The following DHX40 variants were observed in gnomAD, a reference collection of about 807,000 sequenced individuals.
DHX40 encodes the protein probable ATP-dependent RNA helicase DHX40.
In DHX40, 28 loss-of-function variants were observed where a neutral mutation model predicts 89.6. The ratio of observed to expected loss-of-function variants is 0.31; its 90% CI spans 0.23 to 0.43. The LOEUF is 0.43. Ranked by LOEUF, DHX40 falls within the 20% of genes least tolerant of loss-of-function variation. The pLI is 1.00. For synonymous variants in DHX40, 226 were observed against 283.6 expected, an observed-to-expected ratio of 0.80 and a Z score of 2.04; for missense variants, 457 against 844.0, an observed-to-expected ratio of 0.54 and a Z score of 5.68.
chr17:59,594,145 C>T (rs2049119181), intron 12 of DHX40, among the ~76,000 whole-genome samples: 2 of 151,926 alleles, frequency 1.3e-5, no homozygotes, highest in South Asian at 4.2e-4. Flanking sequence ...TTCTAGAACA[C>T]CAGGAAGACT....
intron 12 of DHX40, among the ~76,000 whole-genome samples, 166 bp downstream of exon 12, chr17:59,588,219 TAAAA>T (rs1169868073): frequency 4.4e-5 from 3 of 67,806 alleles, no homozygotes; most frequent in East Asian, 5.7e-4. Context: ...CCATCTCTAC[TAAAA>T]AAAAAAAAAA....
intron 17 of DHX40, 65 bp downstream of exon 17, chr17:59,605,739 A>G: frequency 1.4e-6 from 2 of 1,452,220 alleles, no homozygotes; most frequent in Non-Finnish European, 1.9e-6. Context: ...GTACTTCACT[A>G]TTTTTGTTTA....
At chr17:59,593,824 G>A (rs1197130473) in intron 12 of DHX40, among the ~76,000 whole-genome samples, 5 of 151,744 alleles carry the variant, frequency 3.3e-5, no homozygotes, top group South Asian at 2.1e-4. Flanking sequence ...ACTTTAATTC[G>A]TGGATTCTTT....
At chr17:59,570,217 A>G (rs1156452615) in intron 2 of DHX40, among the ~76,000 whole-genome samples, 1 of 124,290 alleles carries the variant, frequency 8.0e-6, no homozygotes, top group African/African-American at 3.4e-5. Context: ...TATATTATAT[A>G]TTAAATATAT....
chr17:59,573,145 A>G lies in DHX40; in HGVS notation c.456A>G (p.Gly152=), dbSNP rs780314978. The G allele has an allele frequency of 1.5e-5, 25 of 1,612,986 alleles. No homozygotes were observed. In the South Asian group the frequency reaches 2.0e-4, roughly 13 times the overall value. ...CAGCAATCAAATATATGACTGATGG[A>G]TGTTTACTGAAACATATTCTGGGAG... is the stretch of plus-strand genomic sequence containing the variant. ...KETAIKYMTD[G]CLLKHILGDP... Residue 152 remains glycine (G), a synonymous_variant, in exon 4 of 18, where the codon GGA becomes GGG. Transcript: ENST00000251241.
intron 12 of DHX40, among the ~76,000 whole-genome samples, chr17:59,588,907 A>G (rs2049039514): frequency 6.6e-6 from 1 of 152,138 alleles, no homozygotes; most frequent in Non-Finnish European, 1.5e-5. Context: ...TTGGACGTAC[A>G]GTTGTTGCGG....
At chr17:59,568,763 A>G (rs1200873011) in intron 2 of DHX40, among the ~76,000 whole-genome samples, 3 of 151,978 alleles carry the variant, frequency 2.0e-5, no homozygotes, top group Admixed American at 2.0e-4. Flanking sequence ...CTGTATTAGT[A>G]AGAATGGAAA....
At position 59,587,998 on chromosome 17, in the gene DHX40, T is replaced by C; in HGVS notation, c.1527T>C (p.Asp509=). 6.2e-7 allele frequency: 1 copy of C among 1,613,764 alleles called. No homozygotes were observed. Among genetic ancestry groups the C allele is most frequent in the Non-Finnish European group, 8.5e-7 (1 of 1,179,808 alleles). Residue 509 remains aspartate (D), a synonymous_variant, in exon 12 of 18, where the codon GAT becomes GAC. Coordinates refer to ENST00000251241, the MANE Select transcript of DHX40 (RefSeq NM_024612.5). ...AAGCTGCTTCCCTGGATTGTGAAGA[T>C]CTACTACTTCCAATAGCAGCAATGT... ...VIKAASLDCE[D]LLLPIAAMLS...
chr17:59,596,196 A>G (rs2030048302), intron 12 of DHX40, among the ~76,000 whole-genome samples: 1 of 152,160 alleles, frequency 6.6e-6, no homozygotes, highest in Admixed American at 6.6e-5. Flanking sequence ...GCTGGAGTCT[A>G]GGGCAATTTG....
At chr17:59,568,867 T>G (rs1474280780) in intron 2 of DHX40, among the ~76,000 whole-genome samples, 5 of 150,240 alleles carry the variant, frequency 3.3e-5, no homozygotes, top group Non-Finnish European at 7.4e-5. Flanking sequence ...TATAGATATA[T>G]ATATTTATTT....
chr17:59,572,141 A>G (rs2048818701), intron 3 of DHX40, among the ~76,000 whole-genome samples: 1 of 152,224 alleles, frequency 6.6e-6, no homozygotes, highest in Non-Finnish European at 1.5e-5. Flanking sequence ...GAATATTATA[A>G]TTTACATTCC....
intron 12 of DHX40, among the ~76,000 whole-genome samples, chr17:59,597,866 C>T (rs1460280526): frequency 2.0e-4 from 28 of 143,032 alleles, no homozygotes; most frequent in African/African-American, 6.5e-4. Context: ...ACCCGGGAGG[C>T]GGAGCTTGCA....
At chr17:59,569,973 C>T (rs1162110233) in intron 2 of DHX40, among the ~76,000 whole-genome samples, 6 of 140,128 alleles carry the variant, frequency 4.3e-5, no homozygotes, top group South Asian at 2.2e-4. Context: ...GAACCTGGGA[C>T]GCAGAGGTTG....
At chr17:59,586,526 C>T (rs1439529297) in intron 11 of DHX40, among the ~76,000 whole-genome samples, 9 of 151,764 alleles carry the variant, frequency 5.9e-5, no homozygotes, top group African/African-American at 1.9e-4. Flanking sequence ...ATTAGCTGGG[C>T]GTGGTGGTGG....
Position 59,574,965 on chromosome 17 carries a change from G to A in DHX40, c.842-375G>A, listed in dbSNP as rs2523374. 8.5e-5 allele frequency among the ~76,000 whole-genome samples: 13 copies of A among 152,304 alleles called. No individual in the cohort carries two copies. In the East Asian group the frequency reaches 1.2e-3, roughly 14 times the overall value. On this transcript the variant is annotated intron_variant, in intron 6 of 17. Transcript: ENST00000251241. ...TCTGCCTTGTACTAATGTCAGAAGT[G>A]AGGGATTGTCACAATCTTTGCCTTT...
chr17:59,593,805 A>G (rs1567887644), intron 12 of DHX40, among the ~76,000 whole-genome samples: 1 of 151,978 alleles, frequency 6.6e-6, no homozygotes, highest in African/African-American at 2.4e-5. Context: ...TAAAAAAAAA[A>G]ACAAAAAAAC....
intron 17 of DHX40, 29 bp downstream of exon 17, chr17:59,605,703 C>G: frequency 6.3e-7 from 1 of 1,578,504 alleles, no homozygotes; most frequent in Non-Finnish European, 8.6e-7. Context: ...CTACTCTTAA[C>G]CACTATGCCA....
At chr17:59,583,612 G>A (rs1359634855) in intron 10 of DHX40, among the ~76,000 whole-genome samples, 1 of 142,288 alleles carries the variant, frequency 7.0e-6, no homozygotes, top group African/African-American at 2.4e-5. Context: ...CGGGTGCGGT[G>A]GCTCACGCCT....
chr17:59,598,475 A>T (rs1360821212), intron 12 of DHX40, among the ~76,000 whole-genome samples: 2 of 152,244 alleles, frequency 1.3e-5, no homozygotes, highest in Admixed American at 1.3e-4. Context: ...TTTAAAAAGT[A>T]AATTACAAAT....
Sources: allele counts gnomAD v4.1 joint callset (sites outside exome capture counted in the v4.1 genomes callset), GRCh38; gene constraint gnomAD v4.1.1; transcripts MANE v1.5; gene names NCBI Gene and HGNC (gene_info 2026-07-23, HGNC 2026-07-21).